The following TFCP2 variants were observed in gnomAD, a reference collection of about 807,000 sequenced individuals.
TFCP2 encodes alpha-globin transcription factor CP2.
In TFCP2, 33 loss-of-function variants were observed where a neutral mutation model predicts 73.4. The observed-to-expected ratio is 0.45, with a 90% CI of 0.34 to 0.60. The LOEUF is 0.60. TFCP2 is among the 20% of genes least tolerant of loss of function. The pLI, the probability that TFCP2 is intolerant of heterozygous loss-of-function variation, is 0.01. For missense variants in TFCP2, 352 were observed against 604.0 expected (o/e 0.58, Z 4.37); for synonymous variants, 193 against 211.6 (o/e 0.91, Z 0.76).
At chr12:51,141,905 C>CA (rs34943578) in intron 1 of TFCP2, among the ~76,000 whole-genome samples, 17,655 of 63,260 alleles carry the variant, frequency 0.28, 2,341 homozygotes, top group South Asian at 0.37. Flanking sequence ...GACTCTGTCT[C>CA]AAAAAAAAAA....
chr12:51,118,884 G>A, intron 1 of TFCP2, 112 bp from the exon 2 acceptor site: 4 of 1,248,982 alleles, frequency 3.2e-6, no homozygotes, highest in Non-Finnish European at 3.4e-6. Context: ...TACTCACCTT[G>A]GTGGAGTTTC....
At chr12:51,112,026 T>C (rs1382429333) in intron 4 of TFCP2, among the ~76,000 whole-genome samples, 1 of 151,630 alleles carries the variant, frequency 6.6e-6, no homozygotes, top group Non-Finnish European at 1.5e-5. Flanking sequence ...GGCATGGTAG[T>C]GGGCATCTGT....
chr12:51,102,790 C>T (rs1337663185), intron 10 of TFCP2, among the ~76,000 whole-genome samples: 2 of 152,088 alleles, frequency 1.3e-5, no homozygotes, highest in African/African-American at 4.8e-5. Context: ...AACACCAATC[C>T]TCCCATGAAC....
intron 1 of TFCP2, among the ~76,000 whole-genome samples, chr12:51,153,697 A>T (rs2640522): frequency 0.92 from 140,555 of 152,282 alleles, 65,167 homozygotes; most frequent in Non-Finnish European, 0.97. Flanking sequence ...AATGTCCCAA[A>T]GTTTATCCAT....
chr12:51,097,763 T>A (rs1940001298), intron 13 of TFCP2, among the ~76,000 whole-genome samples: 1 of 152,062 alleles, frequency 6.6e-6, no homozygotes, highest in Non-Finnish European at 1.5e-5. Flanking sequence ...ACATCTGTAA[T>A]CCCAGCACTT....
intron 7 of TFCP2, 154 bp from the exon 8 acceptor site, chr12:51,106,767 A>T (rs1370575758): frequency 3.1e-6 from 2 of 635,642 alleles, no homozygotes; most frequent in Admixed American, 6.2e-5. Context: ...TCTTTCCGCC[A>T]TCTTGGAGCC....
intron 1 of TFCP2, among the ~76,000 whole-genome samples, chr12:51,147,280 T>C (rs1038734820): frequency 3.3e-5 from 5 of 151,764 alleles, no homozygotes; most frequent in African/African-American, 1.2e-4. Context: ...GAGGCAGAGG[T>C]TGTAGTGAGC....
In TFCP2 at chr12:51,116,307, TA is replaced by T. The variant is rs1940528558; in HGVS notation, c.457+7del. On this transcript the variant is annotated splice_region_variant and intron_variant, in intron 4 of 14. Coordinates refer to ENST00000257915, the MANE Select transcript of TFCP2 (RefSeq NM_005653.5). ...GCATTTCCTAGGCAATAGATTCTCT[TA>T]ACTCACCTATGTCAAGAATTCTGTC... 1.9e-6 allele frequency: 3 copies of T among 1,556,030 alleles called. No homozygotes were observed. The highest frequency in any genetic ancestry group is 2.6e-6 in the Non-Finnish European group (3 of 1,134,076).
intron 1 of TFCP2, among the ~76,000 whole-genome samples, 157 bp from the exon 2 acceptor site, chr12:51,118,929 T>C (rs1940595669): frequency 6.6e-6 from 1 of 152,260 alleles, no homozygotes; most frequent in Admixed American, 6.5e-5. Context: ...CCTGCTGTGA[T>C]ATCCCCCTGA....
chr12:51,105,413 T>C (rs1437606781), intron 8 of TFCP2, among the ~76,000 whole-genome samples: 1 of 152,174 alleles, frequency 6.6e-6, no homozygotes, highest in Non-Finnish European at 1.5e-5. Flanking sequence ...ATACGTTCTT[T>C]GTCTATGAAT....
At position 51,145,393 on chromosome 12, in the gene TFCP2, A is replaced by AAAAAAC. The variant is rs1555254747; in HGVS notation, c.123-26622_123-26621insGTTTTT. ...TGAGACTCTGTCTCAGAAAAAAAAA[A>AAAAAAC]AAATACAAATACAAATACAAAAATT... is the stretch of plus-strand genomic sequence containing the variant. On this transcript the variant is annotated intron_variant, in intron 1 of 14. Transcript: ENST00000257915. Among the ~76,000 whole-genome samples, 4 of 144,254 alleles carry AAAAAAC rather than the reference A, an allele frequency of 2.8e-5. No homozygotes were observed. The South Asian group carries it at 6.8e-4, about 25-fold the overall frequency. The allele number at this position is 144,254 out of a possible 152,430, so 94.6% of individuals were successfully genotyped here. A position where few individuals can be genotyped will look rare whatever the true frequency, so the allele number is the denominator to read the frequency against.
At chr12:51,149,551 C>G (rs1941377132) in intron 1 of TFCP2, among the ~76,000 whole-genome samples, 1 of 152,128 alleles carries the variant, frequency 6.6e-6, no homozygotes, top group African/African-American at 2.4e-5. Flanking sequence ...AACAGCATAA[C>G]TTAAAAGAAT....
intron 11 of TFCP2, among the ~76,000 whole-genome samples, chr12:51,100,113 C>T (rs1940073655): frequency 6.6e-6 from 1 of 152,100 alleles, no homozygotes; most frequent in Non-Finnish European, 1.5e-5. Flanking sequence ...TTCACTATAC[C>T]CCAGTCTTGA....
At position 51,106,615 on chromosome 12, in the gene TFCP2, TA is replaced by T; in HGVS notation, c.829-3del. On this transcript the variant is annotated splice_polypyrimidine_tract_variant and splice_region_variant and intron_variant, in intron 7 of 14. Coordinates refer to ENST00000257915, the MANE Select transcript of TFCP2 (RefSeq NM_005653.5). ...CGTGATCTCGGGCCATGGAGAACACTAAAAACAAAGGATAAGTTAGATAATG... is the reference window on the plus strand; with the variant it reads ...CGTGATCTCGGGCCATGGAGAACACTAAAACAAAGGATAAGTTAGATAATG... The T allele has an allele frequency of 1.9e-6, 3 of 1,612,174 alleles. No individual in the cohort carries two copies. Among genetic ancestry groups the T allele is most frequent in the East Asian group, 2.2e-5 (1 of 44,812 alleles).
At chr12:51,099,930 T>C (rs1406801930) in intron 11 of TFCP2, 151 bp from the exon 12 acceptor site, 8 of 980,968 alleles carry the variant, frequency 8.2e-6, no homozygotes, top group Non-Finnish European at 1.2e-5. Context: ...TATGTTTTAT[T>C]AGTTCCCCAG....
chr12:51,125,737 C>T (rs1450660892), intron 1 of TFCP2, among the ~76,000 whole-genome samples: 1 of 152,178 alleles, frequency 6.6e-6, no homozygotes, highest in Non-Finnish European at 1.5e-5. Context: ...GAATACTCAG[C>T]ACTATATACA....
chr12:51,163,991 G>A (rs961242230), intron 1 of TFCP2, among the ~76,000 whole-genome samples: 1 of 150,616 alleles, frequency 6.6e-6, no homozygotes, highest in Admixed American at 6.6e-5. Flanking sequence ...GATCGCTTGA[G>A]GCCAGGAGTT....
At chr12:51,104,295 G>C in intron 8 of TFCP2, 92 bp from the exon 9 acceptor site, 1 of 1,111,260 alleles carries the variant, frequency 9.0e-7, no homozygotes, top group Non-Finnish European at 1.3e-6. Flanking sequence ...TCTCATGCTA[G>C]AGATTAAAAA....
chr12:51,161,604 C>T (rs1410863285), intron 1 of TFCP2, among the ~76,000 whole-genome samples: 1 of 150,946 alleles, frequency 6.6e-6, no homozygotes, highest in Non-Finnish European at 1.5e-5. Flanking sequence ...AGCTTGGACC[C>T]GGGAGGCAGA....
Sources: allele counts gnomAD v4.1 joint callset (sites outside exome capture counted in the v4.1 genomes callset), GRCh38; gene constraint gnomAD v4.1.1; transcripts MANE v1.5; gene names NCBI Gene and HGNC (gene_info 2026-07-23, HGNC 2026-07-21).